Variants in PLD5 observed in about 807,000 individuals in gnomAD.
PLD5 encodes phospholipase D family member 5, also known as inactive phospholipase D5.
PLD5 carries 36 observed loss-of-function variants against 61.1 expected under a neutral mutation model. The observed-to-expected ratio is 0.59, with a 90% CI of 0.45 to 0.78. PLD5 has a LOEUF of 0.78. Among genes scored for constraint, PLD5 ranks in the 30% least tolerant of loss-of-function variants. The pLI, the probability that PLD5 is intolerant of heterozygous loss-of-function variation, is 0.00. For synonymous variants in PLD5, 243 were observed against 242.8 expected (o/e 1.00, Z -0.01); for missense variants, 515 against 644.4 (o/e 0.80, Z 2.17).
intron 3 of PLD5, among the ~76,000 whole-genome samples, chr1:242,270,152 G>T (rs1023453996): frequency 3.3e-5 from 5 of 150,914 alleles, no homozygotes; most frequent in African/African-American, 1.2e-4. Context: ...TTTAGCAGTT[G>T]AACTCTTAGT....
At chr1:242,346,735 T>A (rs1468355844) in intron 2 of PLD5, among the ~76,000 whole-genome samples, 3 of 152,098 alleles carry the variant, frequency 2.0e-5, no homozygotes, top group Non-Finnish European at 2.9e-5. Flanking sequence ...GCTGCAGAGA[T>A]CATCCCATCA....
In PLD5 at chr1:242,327,917, C is replaced by T. The variant is rs555384733; in HGVS notation, c.326+20189G>A. Among the ~76,000 whole-genome samples, 11 of 151,558 alleles carry T rather than the reference C, an allele frequency of 7.3e-5. No individual in the cohort carries two copies. In the East Asian group the frequency reaches 2.2e-3, roughly 30 times the overall value. ...ACCAGCCTGGGCAACATAGCAAGAC[C>T]TTGCCTCTCTAGTTAGAAGAAAAAA... On this transcript the variant is annotated intron_variant, in intron 2 of 9. Transcript: ENST00000536534.
intron 2 of PLD5, among the ~76,000 whole-genome samples, chr1:242,307,862 A>T (rs1676468834): frequency 6.6e-6 from 1 of 152,168 alleles, no homozygotes; most frequent in South Asian, 2.1e-4. Flanking sequence ...TTAAGTCACC[A>T]AATCTAGCTT....
At chr1:242,467,762 C>A (rs1272302797) in intron 1 of PLD5, among the ~76,000 whole-genome samples, 1 of 152,184 alleles carries the variant, frequency 6.6e-6, no homozygotes, top group Non-Finnish European at 1.5e-5. Flanking sequence ...GGAGTCCTTA[C>A]TACTGAACGA....
At chr1:242,167,174 G>C (rs188147740) in intron 5 of PLD5, among the ~76,000 whole-genome samples, 19 of 151,886 alleles carry the variant, frequency 1.3e-4, no homozygotes, top group African/African-American at 4.1e-4. Context: ...CACAGTGACT[G>C]TGATAGCAGC....
intron 5 of PLD5, among the ~76,000 whole-genome samples, chr1:242,161,752 T>A (rs764037418): frequency 6.8e-6 from 1 of 146,028 alleles, no homozygotes; most frequent in Non-Finnish European, 1.5e-5. Flanking sequence ...GTAATATACG[T>A]CAAGAAAGAA....
intron 1 of PLD5, among the ~76,000 whole-genome samples, chr1:242,444,529 G>T (rs1666418158): frequency 6.6e-6 from 1 of 150,458 alleles, no homozygotes; most frequent in Admixed American, 6.7e-5. Flanking sequence ...TGAAACCTGT[G>T]GACATAGGAA....
intron 5 of PLD5, among the ~76,000 whole-genome samples, chr1:242,208,823 C>T (rs1246617132): frequency 1.3e-5 from 2 of 152,172 alleles, no homozygotes; most frequent in Non-Finnish European, 2.9e-5. Flanking sequence ...CCTTTTAATT[C>T]TTTCACAATA....
rs539066922 is a variant in PLD5, at chr1:242,266,253, C to T, written c.496-805G>A. On this transcript the variant is annotated intron_variant, in intron 3 of 9. Transcript: ENST00000536534. ...AAAATTAGCTGGGCATGGTGGTGCG[C>T]ACTTTTATTCCCAGCTACTCAGGAG... 2.5e-4 allele frequency among the ~76,000 whole-genome samples: 38 copies of T among 152,070 alleles called. No individual in the cohort carries two copies. In the South Asian group the frequency reaches 3.7e-3, roughly 15 times the overall value.
chr1:242,143,792 A>C (rs546571226), intron 5 of PLD5, among the ~76,000 whole-genome samples: 1 of 152,160 alleles, frequency 6.6e-6, no homozygotes, highest in African/African-American at 2.4e-5. Context: ...ACCAGGAAGC[A>C]TATGCCCCAA....
At chr1:242,420,114 G>A (rs1665057762) in intron 1 of PLD5, among the ~76,000 whole-genome samples, 2 of 152,118 alleles carry the variant, frequency 1.3e-5, no homozygotes, top group East Asian at 3.9e-4. Flanking sequence ...ATCTCCTATG[G>A]AGCACTTACA....
At chr1:242,147,835 T>G (rs958563006) in intron 5 of PLD5, among the ~76,000 whole-genome samples, 2 of 152,222 alleles carry the variant, frequency 1.3e-5, no homozygotes, top group African/African-American at 4.8e-5. Flanking sequence ...TTCACATATT[T>G]GGCACAGTTT....
At position 242,251,001 on chromosome 1, in the gene PLD5, G is replaced by A. The variant is rs900850328; in HGVS notation, c.607+14336C>T. Among the ~76,000 whole-genome samples the A allele has an allele frequency of 6.6e-5, 10 of 152,114 alleles. No homozygotes were observed. The East Asian group carries it at 1.4e-3, about 21-fold the overall frequency. ...CAAGGTTAGCTCTAGGTTTCTTTGC[G>A]GGGCAAATAAAAAAATAGTCAGGTC... is the stretch of plus-strand genomic sequence containing the variant. On this transcript the variant is annotated intron_variant, in intron 4 of 9. Coordinates refer to ENST00000536534, the MANE Select transcript of PLD5 (RefSeq NM_001372062.1).
intron 1 of PLD5, among the ~76,000 whole-genome samples, chr1:242,470,295 T>C (rs1667405559): frequency 6.8e-6 from 1 of 147,874 alleles, no homozygotes; most frequent in Admixed American, 6.8e-5. Context: ...TGAGCCGAGA[T>C]CGCACCACTG....
chr1:242,421,004 AC>A (rs549554897), intron 1 of PLD5, among the ~76,000 whole-genome samples: 121 of 151,980 alleles, frequency 8.0e-4, no homozygotes, highest in Admixed American at 2.0e-3. Context: ...ACATGGTGAA[AC>A]CCCGTCTCTA....
chr1:242,363,830 C>T (rs372930352), intron 1 of PLD5, among the ~76,000 whole-genome samples: 1 of 152,064 alleles, frequency 6.6e-6, no homozygotes, highest in Non-Finnish European at 1.5e-5. Flanking sequence ...AGAAATAATA[C>T]ATACACTGAA....
chr1:242,356,120 T>C (rs952701160), intron 1 of PLD5, among the ~76,000 whole-genome samples: 1 of 150,834 alleles, frequency 6.6e-6, no homozygotes, highest in Admixed American at 6.7e-5. Context: ...GTTGCTCAAG[T>C]CCACTGTTTT....
chr1:242,315,730 C>G (rs1676967713), intron 2 of PLD5, among the ~76,000 whole-genome samples: 1 of 152,112 alleles, frequency 6.6e-6, no homozygotes, highest in South Asian at 2.1e-4. Context: ...TCCCAGGTAG[C>G]TGGGACTACA....
chr1:242,270,438 A>C (rs1673989364), intron 3 of PLD5, among the ~76,000 whole-genome samples: 1 of 152,216 alleles, frequency 6.6e-6, no homozygotes, highest in Non-Finnish European at 1.5e-5. Context: ...TGCTAGTGGC[A>C]GTCAGGCCTA....
Sources: gnomAD v4.1 joint callset for allele counts (sites outside exome capture counted in the v4.1 genomes callset) on GRCh38, gnomAD v4.1.1 for gene constraint, MANE v1.5 for transcripts, NCBI Gene and HGNC (gene_info 2026-07-23, HGNC 2026-07-21) for gene names.